PCDHA4: variants seen among roughly 807,000 people sequenced by gnomAD.
PCDHA4 encodes protocadherin alpha-4.
PCDHA4 carries 49 observed loss-of-function variants against 61.4 expected under a neutral mutation model. The observed-to-expected ratio is 0.80, with a 90% confidence interval of 0.63 to 1.01. PCDHA4 has a LOEUF of 1.01. PCDHA4 is among the 50% of genes least tolerant of loss of function. The probability of loss-of-function intolerance (pLI) is 0.00; values close to 1 mark genes in which losing one functional copy is unlikely to be tolerated. For missense variants in PCDHA4, 1,254 were observed against 1,235.8 expected, an observed-to-expected ratio of 1.01 and a Z score of -0.22; for synonymous variants, 590 against 550.3, an observed-to-expected ratio of 1.07 and a Z score of -1.01.
chr5:140,928,126 C>G (rs782461261), intron 1 of PCDHA4: 1 of 1,614,058 alleles, frequency 6.2e-7, no homozygotes, highest in African/African-American at 1.3e-5. Context: ...CAGTGAATAC[C>G]AAGTCCTGAT....
In PCDHA4 at chr5:141,010,916, A is replaced by G. The variant is rs1554263193; in HGVS notation, c.*979A>G. The G allele has an allele frequency of 6.5e-6, 1 of 153,780 alleles. No individual in the cohort carries two copies. The highest frequency in any genetic ancestry group is 2.4e-5 in the African/African-American group (1 of 41,454). 9.5% of individuals were successfully genotyped at this position (153,780 alleles called of 1,614,324 possible). On this transcript the variant is annotated 3_prime_UTR_variant, in exon 4 of 4. Transcript: ENST00000530339. ...ATACAATTCCCCTAAACTCTCCTCAAAAGAGAATTCAGTCTACAGCCATTT... is the reference window on the plus strand; with the variant it reads ...ATACAATTCCCCTAAACTCTCCTCAGAAGAGAATTCAGTCTACAGCCATTT...
rs1404352255 is a variant in PCDHA4 at position 140,843,932 on chromosome 5, T to C, written c.2385+34360T>C. 7 of 583,528 alleles carry C rather than the reference T, an allele frequency of 1.2e-5. No homozygotes were observed. In the East Asian group the frequency reaches 1.4e-4, roughly 12 times the overall value. The allele number at this position is 583,528 out of a possible 1,614,324, so 36.1% of individuals were successfully genotyped here. A position where few individuals can be genotyped will look rare whatever the true frequency, so the allele number is the denominator to read the frequency against. ...TGGGTCTATCTTGAAACTCAAGTTA[T>C]GGTTGGATGATATCCATTTTTTACT... is the stretch of plus-strand genomic sequence containing the variant. On this transcript the variant is annotated intron_variant, in intron 1 of 3. Transcript: ENST00000530339.
chr5:140,823,396 G>A (rs17844295), intron 1 of PCDHA4: 3 of 1,612,796 alleles, frequency 1.9e-6, no homozygotes, highest in South Asian at 2.2e-5. Flanking sequence ...CGACGCGGGC[G>A]TGCCGCCTCT....
intron 3 of PCDHA4, among the ~76,000 whole-genome samples, chr5:140,997,706 A>G (rs1387378770): frequency 3.3e-5 from 5 of 151,686 alleles, no homozygotes; most frequent in African/African-American, 1.2e-4. Flanking sequence ...GTATGTTAAC[A>G]AACACCTTTC....
chr5:140,921,057 C>G (rs2079994477), intron 1 of PCDHA4, among the ~76,000 whole-genome samples: 1 of 151,924 alleles, frequency 6.6e-6, no homozygotes, highest in African/African-American at 2.4e-5. Flanking sequence ...ATAGCTCACT[C>G]TAACCTTGAA....
At chr5:140,870,346 G>A in intron 1 of PCDHA4, 5 of 1,614,236 alleles carry the variant, frequency 3.1e-6, no homozygotes, top group Non-Finnish European at 4.2e-6. Context: ...CCTGGACCGC[G>A]AGAACGTGTG....
intron 1 of PCDHA4, among the ~76,000 whole-genome samples, chr5:140,894,265 C>A (rs1328152615): frequency 6.6e-6 from 1 of 151,796 alleles, no homozygotes; most frequent in East Asian, 1.9e-4. Context: ...CAAGTGGTAG[C>A]TTATTTACAA....
At chr5:140,952,698 C>G (rs1020795237) in intron 1 of PCDHA4, among the ~76,000 whole-genome samples, 4 of 152,182 alleles carry the variant, frequency 2.6e-5, no homozygotes, top group Non-Finnish European at 4.4e-5. Context: ...ATAGCAATAT[C>G]CCACTCTCAG....
At chr5:141,007,235 T>G (rs2098311065) in intron 3 of PCDHA4, among the ~76,000 whole-genome samples, 1 of 151,964 alleles carries the variant, frequency 6.6e-6, no homozygotes, top group Non-Finnish European at 1.5e-5. Context: ...GAAGGATTGT[T>G]GAGCTGAAGG....
chr5:140,845,492 G>T lies in PCDHA4; in HGVS notation c.2385+35920G>T, dbSNP rs2150379266. ...ATTTGGGGTTGTGCTTTCACAGTGA[G>T]AAAGTCTAAACCTATTTCTTGTACA... On this transcript the variant is annotated intron_variant, in intron 1 of 3. Coordinates refer to ENST00000530339, the MANE Select transcript of PCDHA4 (RefSeq NM_018907.4). Among the ~76,000 whole-genome samples, 111 of 149,698 alleles carry T rather than the reference G, an allele frequency of 7.4e-4. 5 individuals are homozygous for T. Among genetic ancestry groups the T allele is most frequent in the African/African-American group, 2.6e-3 (108 of 41,006 alleles).
chr5:140,848,876 C>T (rs2150423222), intron 1 of PCDHA4: 4 of 1,590,940 alleles, frequency 2.5e-6, no homozygotes, highest in Admixed American at 1.7e-5. Context: ...AGGACATTAA[C>T]GACAACCCTC....
chr5:140,862,756 G>C (rs1027587772), intron 1 of PCDHA4: 46 of 577,592 alleles, frequency 8.0e-5, no homozygotes, highest in Non-Finnish European at 1.4e-4. Context: ...CGCGGAGAGC[G>C]GCAAGAGGTA....
chr5:140,962,143 G>C (rs964011627), intron 1 of PCDHA4, among the ~76,000 whole-genome samples: 1 of 151,968 alleles, frequency 6.6e-6, no homozygotes, highest in Non-Finnish European at 1.5e-5. Flanking sequence ...CCAAAGTGCT[G>C]GGATTACAGG....
intron 1 of PCDHA4, chr5:140,823,394 G>C: frequency 6.2e-7 from 1 of 1,612,934 alleles, no homozygotes; most frequent in Non-Finnish European, 8.5e-7. Flanking sequence ...CGCGACGCGG[G>C]CGTGCCGCCT....
At chr5:140,812,299 T>C (rs1213941243) in intron 1 of PCDHA4, 1 of 152,100 alleles carries the variant, frequency 6.6e-6, no homozygotes, top group African/African-American at 2.4e-5. Context: ...TTTTGGTATA[T>C]GATTTTAAAA....
At position 140,927,544 on chromosome 5, in the gene PCDHA4, C is replaced by G. The variant is rs1442526060; in HGVS notation, c.2386-51405C>G. 2.5e-6 allele frequency: 4 copies of G among 1,614,034 alleles called. No homozygotes were observed. The East Asian group carries it at 6.7e-5, about 27-fold the overall frequency. ...GCTACCTGCCCGCTCAGGAGACGCA[C>G]AAGTCACCATCATTGTGGTGGACAC... On this transcript the variant is annotated intron_variant, in intron 1 of 3. Transcript: ENST00000530339.
chr5:140,843,129 A>G (rs2150353513), intron 1 of PCDHA4: 1 of 1,596,008 alleles, frequency 6.3e-7, no homozygotes, highest in Non-Finnish European at 8.6e-7. Context: ...GACTCGGGCT[A>G]CAACGCGTGG....
rs782428365 is a variant in PCDHA4 at position 140,927,400 on chromosome 5, C to T, written c.2386-51549C>T. 7 of 1,614,126 alleles carry T rather than the reference C, an allele frequency of 4.3e-6. No homozygotes were observed. In the South Asian group the frequency reaches 5.5e-5, roughly 13 times the overall value. On this transcript the variant is annotated intron_variant, in intron 1 of 3. Transcript: ENST00000530339. ...CAGCCTAAGCCCCAGTCAGCACTTT[C>T]GCCTGGACATGGGATCGCGGGTTGA...
intron 1 of PCDHA4, among the ~76,000 whole-genome samples, chr5:140,920,357 A>G (rs782419559): frequency 5.3e-5 from 8 of 151,994 alleles, no homozygotes; most frequent in Non-Finnish European, 8.8e-5. Context: ...TGCTAGTTCT[A>G]TTCATTTATT....
Sources: gnomAD v4.1 joint callset for allele counts (sites outside exome capture counted in the v4.1 genomes callset) on GRCh38, gnomAD v4.1.1 for gene constraint, MANE v1.5 for transcripts, NCBI Gene and HGNC (gene_info 2026-07-23, HGNC 2026-07-21) for gene names.